EPHA5: variants seen among roughly 807,000 people sequenced by gnomAD.
The protein encoded by EPHA5 is EPH receptor A5, also known as ephrin type-A receptor 5.
A neutral mutation model predicts 105.0 loss-of-function variants in EPHA5; 60 were observed. The ratio of observed to expected loss-of-function variants is 0.57; its 90% confidence interval spans 0.46 to 0.71. The LOEUF is 0.71. EPHA5 is among the 30% of genes least tolerant of loss of function. EPHA5 has a pLI of 0.00. For missense variants in EPHA5, 1,218 were observed against 1,274.7 expected, an observed-to-expected ratio of 0.96 and a Z score of 0.68; for synonymous variants, 513 against 449.1, an observed-to-expected ratio of 1.14 and a Z score of -1.80.
intron 14 of EPHA5, among the ~76,000 whole-genome samples, chr4:65,340,864 T>C (rs1490953321): frequency 6.6e-6 from 1 of 152,148 alleles, no homozygotes; most frequent in Non-Finnish European, 1.5e-5. Flanking sequence ...CTTCATCACA[T>C]GTGCACCTGC....
At chr4:65,649,871 C>T (rs13135952) in intron 1 of EPHA5, among the ~76,000 whole-genome samples, 37,240 of 152,030 alleles carry the variant, frequency 0.24, 5,267 homozygotes, top group East Asian at 0.57. Flanking sequence ...GTTTTCTTAC[C>T]TCTCTAGCTA....
At chr4:65,356,486 G>A (rs1723305362) in intron 11 of EPHA5, among the ~76,000 whole-genome samples, 1 of 151,318 alleles carries the variant, frequency 6.6e-6, no homozygotes, top group Admixed American at 6.6e-5. Context: ...ATATATTTGG[G>A]GAAAAAAAGG....
chr4:65,538,190 G>A (rs940472718), intron 3 of EPHA5, among the ~76,000 whole-genome samples: 3 of 151,658 alleles, frequency 2.0e-5, no homozygotes, highest in Non-Finnish European at 3.0e-5. Flanking sequence ...TCTAGGGTAC[G>A]GAGATATATC....
chr4:65,669,502 C>T (rs1750263839), intron 1 of EPHA5, 60 bp downstream of exon 1: 6 of 1,300,894 alleles, frequency 4.6e-6, no homozygotes, highest in Non-Finnish European at 5.9e-6. Context: ...ACCTGAACTC[C>T]CAGGCCCCGC....
intron 3 of EPHA5, among the ~76,000 whole-genome samples, chr4:65,569,027 G>A (rs964481407): frequency 6.6e-6 from 1 of 151,204 alleles, no homozygotes; most frequent in South Asian, 2.1e-4. Context: ...GCAACATTTA[G>A]CTCACTATTT....
chr4:65,469,068 G>T (rs1358691703), intron 5 of EPHA5, among the ~76,000 whole-genome samples: 1 of 152,092 alleles, frequency 6.6e-6, no homozygotes, highest in African/African-American at 2.4e-5. Flanking sequence ...CGGAGGAAGA[G>T]AAGTTTCCTT....
intron 5 of EPHA5, 102 bp from the exon 6 acceptor site, chr4:65,420,667 T>G: frequency 3.6e-6 from 4 of 1,101,220 alleles, no homozygotes; most frequent in Non-Finnish European, 5.0e-6. Flanking sequence ...CGTAGCAATA[T>G]AAAAAAAATC....
chr4:65,614,177 G>T (rs944507616), intron 2 of EPHA5, among the ~76,000 whole-genome samples: 3 of 151,790 alleles, frequency 2.0e-5, no homozygotes, highest in African/African-American at 7.2e-5. Context: ...GAGGCCTGTT[G>T]CTTAGGTTAT....
intron 3 of EPHA5, among the ~76,000 whole-genome samples, chr4:65,551,501 T>C (rs1737920565): frequency 6.6e-6 from 1 of 152,070 alleles, no homozygotes; most frequent in Admixed American, 6.6e-5. Context: ...ATAAGCAACA[T>C]ATTTCCTTCT....
chr4:65,482,500 A>G (rs1003211173), intron 5 of EPHA5, among the ~76,000 whole-genome samples: 1 of 152,166 alleles, frequency 6.6e-6, no homozygotes. Context: ...AGGGTTTAGG[A>G]GTACTTTACC....
intron 1 of EPHA5, among the ~76,000 whole-genome samples, chr4:65,664,281 T>A (rs1578729819): frequency 6.6e-6 from 1 of 152,066 alleles, no homozygotes; most frequent in African/African-American, 2.4e-5. Flanking sequence ...GTTAGTTTTC[T>A]AACTGTCATA....
intron 3 of EPHA5, among the ~76,000 whole-genome samples, chr4:65,535,972 AT>A (rs547157684): frequency 1.7e-3 from 266 of 152,156 alleles, no homozygotes; most frequent in African/African-American, 6.1e-3. Flanking sequence ...GTCTTTATAC[AT>A]TTTTAATGTA....
intron 1 of EPHA5, among the ~76,000 whole-genome samples, chr4:65,665,774 G>A (rs1749915436): frequency 6.6e-6 from 1 of 152,238 alleles, no homozygotes; most frequent in African/African-American, 2.4e-5. Flanking sequence ...CTCAAAAGGA[G>A]CTTAAAATGT....
chr4:65,515,585 G>C (rs888928084), intron 3 of EPHA5, among the ~76,000 whole-genome samples: 3 of 151,946 alleles, frequency 2.0e-5, no homozygotes, highest in African/African-American at 7.2e-5. Flanking sequence ...ATGGTTTTTT[G>C]TGAAAATTTA....
chr4:65,526,945 A>C (rs545936510), intron 3 of EPHA5, among the ~76,000 whole-genome samples: 10 of 152,178 alleles, frequency 6.6e-5, no homozygotes, highest in African/African-American at 2.2e-4. Context: ...AATGCTACTA[A>C]ACATAAAAGA....
intron 2 of EPHA5, among the ~76,000 whole-genome samples, chr4:65,632,091 T>C (rs1264540939): frequency 6.6e-6 from 1 of 152,070 alleles, no homozygotes; most frequent in Non-Finnish European, 1.5e-5. Flanking sequence ...CAGTAGGTAG[T>C]ATTATACATA....
At chr4:65,550,951 A>G (rs1335298023) in intron 3 of EPHA5, among the ~76,000 whole-genome samples, 1 of 152,106 alleles carries the variant, frequency 6.6e-6, no homozygotes, top group Non-Finnish European at 1.5e-5. Flanking sequence ...TAGATTACAG[A>G]ACACATTATA....
intron 14 of EPHA5, among the ~76,000 whole-genome samples, chr4:65,346,007 C>A (rs1174868079): frequency 6.6e-6 from 1 of 151,918 alleles, no homozygotes; most frequent in Non-Finnish European, 1.5e-5. Context: ...TCACGATCCA[C>A]CCGTCTCGGC....
intron 7 of EPHA5, among the ~76,000 whole-genome samples, chr4:65,406,833 CAT>C (rs916266497): frequency 6.6e-6 from 1 of 152,012 alleles, no homozygotes; most frequent in African/African-American, 2.4e-5. Flanking sequence ...TTAACAAAAA[CAT>C]ATATCAGCAA....
Sources: gnomAD v4.1 joint callset for allele counts (sites outside exome capture counted in the v4.1 genomes callset) on GRCh38, gnomAD v4.1.1 for gene constraint, MANE v1.5 for transcripts, NCBI Gene and HGNC (gene_info 2026-07-23, HGNC 2026-07-21) for gene names.